The following PYROXD1 variants were observed in gnomAD, a reference collection of about 807,000 sequenced individuals.
The protein encoded by PYROXD1 is tRNA ligase complex-associated NAD(P)H dehydrogenase PYROXD1.
PYROXD1 carries 42 observed loss-of-function variants against 62.0 expected under a neutral mutation model. The observed-to-expected ratio is 0.68, with a 90% CI of 0.53 to 0.88. The LOEUF is 0.88. Among genes scored for constraint, PYROXD1 ranks in the 40% least tolerant of loss-of-function variants. PYROXD1 has a pLI of 0.00. For missense variants in PYROXD1, 493 were observed against 604.8 expected (o/e 0.82, Z 1.94); for synonymous variants, 170 against 206.4 (o/e 0.82, Z 1.51).
chr12:21,444,893 A>C (rs950241426), intron 2 of PYROXD1, among the ~76,000 whole-genome samples: 2 of 152,222 alleles, frequency 1.3e-5, no homozygotes, highest in Non-Finnish European at 2.9e-5. Flanking sequence ...GAAAAGGTGA[A>C]ATGATTCACA....
intron 3 of PYROXD1, among the ~76,000 whole-genome samples, chr12:21,449,128 C>T (rs959911232): frequency 9.9e-5 from 15 of 152,170 alleles, no homozygotes; most frequent in Non-Finnish European, 1.5e-4. Context: ...GGTCTTCTTA[C>T]AGTAACTTCC....
At chr12:21,450,454 A>G (rs1942474896) in intron 4 of PYROXD1, among the ~76,000 whole-genome samples, 1 of 152,228 alleles carries the variant, frequency 6.6e-6, no homozygotes, top group Non-Finnish European at 1.5e-5. Flanking sequence ...CATAGAACAG[A>G]AAAGGTCACT....
intron 2 of PYROXD1, among the ~76,000 whole-genome samples, chr12:21,443,164 A>G (rs908334553): frequency 9.2e-5 from 14 of 152,208 alleles, no homozygotes; most frequent in Non-Finnish European, 1.5e-4. Context: ...GTTGAGAATT[A>G]TTCAGATAGA....
chr12:21,452,911 A>G (rs1290110151), intron 5 of PYROXD1, among the ~76,000 whole-genome samples: 2 of 152,126 alleles, frequency 1.3e-5, no homozygotes, highest in South Asian at 2.1e-4. Flanking sequence ...CAACTCTCAG[A>G]CTAGGTTTTT....
At chr12:21,455,391 T>G in intron 6 of PYROXD1, 99 bp downstream of exon 6, 1 of 579,976 alleles carries the variant, frequency 1.7e-6, no homozygotes, top group Non-Finnish European at 2.7e-6. Context: ...ATTTTGGAAA[T>G]AGTAATATGG....
intron 4 of PYROXD1, among the ~76,000 whole-genome samples, chr12:21,450,803 C>T (rs1942482755): frequency 6.6e-6 from 1 of 152,176 alleles, no homozygotes; most frequent in Non-Finnish European, 1.5e-5. Context: ...AGATTGAGCT[C>T]ATAACTGTTT....
chr12:21,441,526 A>G (rs1166544648), intron 2 of PYROXD1, among the ~76,000 whole-genome samples: 2 of 151,440 alleles, frequency 1.3e-5, no homozygotes, highest in East Asian at 1.9e-4. Flanking sequence ...AGATTCACAG[A>G]TGTTTTCTTC....
At position 21,445,261 on chromosome 12, in the gene PYROXD1, G is replaced by A. The variant is rs1963330; in HGVS notation, c.166-86G>A. On this transcript the variant is annotated intron_variant, in intron 2 of 11. Coordinates refer to ENST00000240651, the MANE Select transcript of PYROXD1 (RefSeq NM_024854.5). Reference sequence around the variant, plus strand: ...TTGTTTTATAAACACAAAATAGTGTGTAAAAGCAAAGTATTTTTATTATTT... The same window carrying A: ...TTGTTTTATAAACACAAAATAGTGTATAAAAGCAAAGTATTTTTATTATTT... The A allele has an allele frequency of 0.49, 666,085 of 1,348,772 alleles. 164,739 individuals are homozygous for A. The highest frequency in any genetic ancestry group is 0.55 in the Middle Eastern group (1,993 of 3,630). 83.6% of individuals were successfully genotyped at this position (1,348,772 alleles called of 1,614,324 possible).
At chr12:21,446,875 A>G (rs954752384) in intron 3 of PYROXD1, among the ~76,000 whole-genome samples, 5 of 152,144 alleles carry the variant, frequency 3.3e-5, no homozygotes, top group Non-Finnish European at 5.9e-5. Flanking sequence ...TGATTGCGCC[A>G]CTGCACTCCA....
rs73244989 is a variant in PYROXD1, at chr12:21,437,675, T to G, written c.-56T>G. On this transcript the variant is annotated 5_prime_UTR_variant, in exon 1 of 12. Transcript: ENST00000240651. Reference sequence around the variant, plus strand: ...CTCGCGGCTGCTTCCTCTCCTGGAGTCCAGAGTCCCGTTGCTCCGCCGCGA... The same window carrying G: ...CTCGCGGCTGCTTCCTCTCCTGGAGGCCAGAGTCCCGTTGCTCCGCCGCGA... The G allele has an allele frequency of 2.7e-3, 4,201 of 1,545,954 alleles. 82 individuals are homozygous for G. In the African/African-American group the frequency reaches 0.049, roughly 18 times the overall value.
intron 5 of PYROXD1, 111 bp downstream of exon 5, chr12:21,452,265 G>T: frequency 1.6e-5 from 11 of 704,450 alleles, no homozygotes; most frequent in East Asian, 7.1e-5. Flanking sequence ...ACTGGAAAAT[G>T]TTTTTTATTC....
chr12:21,440,254 T>C, intron 1 of PYROXD1, 114 bp from the exon 2 acceptor site: 1 of 608,190 alleles, frequency 1.6e-6, no homozygotes, highest in Middle Eastern at 2.6e-4. Context: ...AGTGGGTTTT[T>C]AATTTTCTAG....
intron 3 of PYROXD1, 23 bp from the exon 4 acceptor site, chr12:21,449,540 T>C (rs1366465595): frequency 6.3e-7 from 1 of 1,593,298 alleles, no homozygotes; most frequent in Non-Finnish European, 8.5e-7. Flanking sequence ...TCCCTTTTCT[T>C]TCATTGTTTG....
rs1942875788 is a variant in PYROXD1, at chr12:21,469,497, A to AT, written c.*746dup. On this transcript the variant is annotated 3_prime_UTR_variant, in exon 12 of 12. Coordinates refer to ENST00000240651, the MANE Select transcript of PYROXD1 (RefSeq NM_024854.5). The stretch of plus-strand genomic sequence containing the variant: ...AAGATTGGACATCCCTGATCTACAT[A>AT]TTTAACTTAAAGTATCACTCAGTGA... 2 of 149,744 alleles carry AT rather than the reference A, an allele frequency of 1.3e-5. No homozygotes were observed. Among genetic ancestry groups the AT allele is most frequent in the Admixed American group, 1.3e-4 (2 of 14,900 alleles). 9.3% of individuals were successfully genotyped at this position (149,744 alleles called of 1,614,324 possible).
At position 21,452,261 on chromosome 12, in the gene PYROXD1, A is replaced by C. The variant is rs1942515008; in HGVS notation, c.488+107A>C. The C allele has an allele frequency of 4.1e-6, 3 of 739,552 alleles. No individual in the cohort carries two copies. The South Asian group carries it at 1.1e-4, about 26-fold the overall frequency. 45.8% of individuals were successfully genotyped at this position (739,552 alleles called of 1,614,324 possible). On this transcript the variant is annotated intron_variant, in intron 5 of 11. Coordinates refer to ENST00000240651, the MANE Select transcript of PYROXD1 (RefSeq NM_024854.5). The stretch of plus-strand genomic sequence containing the variant: ...TCTTGTGATTTGTTGGCAGACTGGA[A>C]AATGTTTTTTATTCTGAAAATCAAA...
At chr12:21,446,511 ATTTTT>A (rs35292792) in intron 3 of PYROXD1, among the ~76,000 whole-genome samples, 2 of 147,708 alleles carry the variant, frequency 1.4e-5, no homozygotes, top group Non-Finnish European at 3.0e-5. Context: ...GATAAAATAG[ATTTTT>A]TTTTTTTTTT....
rs199611472 is a variant in PYROXD1 at position 21,440,396 on chromosome 12, T to C, written c.113T>C (p.Ile38Thr). ...QLATHFPSEDILLVTASPVIK... is the reference protein window; with the variant it reads ...QLATHFPSEDTLLVTASPVIK... ...GCTACTCACTTTCCATCGGAAGATA[T>C]TCTCTTGGTAACAGCTTCTCCTGTT... The change falls in exon 2 of 12, where the codon ATT becomes ACT. Residue 38 changes from isoleucine to threonine, a missense_variant. By Grantham distance (89) the Ile-to-Thr change is moderately conservative. This residue lies in a region of PYROXD1 where 164 missense variants were observed against 158.2 expected (regional missense o/e 1.04). Transcript: ENST00000240651. The C allele has an allele frequency of 5.6e-6, 9 of 1,599,778 alleles. No homozygotes were observed. The highest frequency in any genetic ancestry group is 2.3e-5 in the South Asian group (2 of 87,820).
intron 7 of PYROXD1, chr12:21,456,902 C>T (rs1177972350): frequency 4.4e-6 from 2 of 454,136 alleles, no homozygotes; most frequent in Non-Finnish European, 8.8e-6. Context: ...TAAACTCCAT[C>T]TCAGATAACT....
chr12:21,441,155 T>G (rs1942286456), intron 2 of PYROXD1: 1 of 152,338 alleles, frequency 6.6e-6, no homozygotes, highest in Admixed American at 6.6e-5. Flanking sequence ...CCCAAGTAGC[T>G]AGGACTACAG....
Sources: allele counts gnomAD v4.1 joint callset (sites outside exome capture counted in the v4.1 genomes callset), GRCh38; gene constraint gnomAD v4.1.1; regional missense constraint gnomAD v4.1.1; transcripts MANE v1.5; gene names NCBI Gene and HGNC (gene_info 2026-07-23, HGNC 2026-07-21).